The following MYO6 variants were observed in gnomAD, a reference collection of about 807,000 sequenced individuals.
MYO6 encodes the protein myosin VI, also known as unconventional myosin-VI.
A neutral mutation model predicts 178.7 loss-of-function variants in MYO6; 74 were observed. That is an observed-to-expected ratio of 0.41 (90% CI 0.34 to 0.50). MYO6 has a LOEUF of 0.50. Ranked by LOEUF, MYO6 falls within the 20% of genes least tolerant of loss-of-function variation. The pLI is 0.09. For synonymous variants in MYO6, 477 were observed against 504.6 expected (o/e 0.95, Z 0.73); for missense variants, 1,330 against 1,547.4 (o/e 0.86, Z 2.36).
intron 5 of MYO6, 145 bp downstream of exon 5, chr6:75,830,690 GT>G: frequency 1.3e-6 from 1 of 788,066 alleles, no homozygotes; most frequent in Non-Finnish European, 2.0e-6. Context: ...TATCAACATT[GT>G]TAGGAGCAAG....
intron 1 of MYO6, among the ~76,000 whole-genome samples, chr6:75,757,270 T>C (rs979127122): frequency 9.4e-5 from 14 of 148,396 alleles, no homozygotes; most frequent in African/African-American, 3.0e-4. Flanking sequence ...TATATGTATA[T>C]AGACATATAC....
intron 1 of MYO6, among the ~76,000 whole-genome samples, chr6:75,797,312 C>T (rs1471431871): frequency 2.6e-5 from 4 of 152,012 alleles, no homozygotes; most frequent in South Asian, 2.1e-4. Context: ...AGGCTGATCT[C>T]GAACTCCCGA....
At chr6:75,799,161 G>A (rs755880479) in intron 1 of MYO6, among the ~76,000 whole-genome samples, 1 of 152,164 alleles carries the variant, frequency 6.6e-6, no homozygotes, top group Non-Finnish European at 1.5e-5. Flanking sequence ...GGCCAAGGCG[G>A]GTGGATCACC....
intron 6 of MYO6, among the ~76,000 whole-genome samples, chr6:75,834,719 A>T (rs1001212180): frequency 1.3e-5 from 2 of 151,660 alleles, no homozygotes; most frequent in African/African-American, 4.8e-5. Context: ...GCATAGTGGT[A>T]CTATGAAAGT....
chr6:75,814,060 CAT>C (rs1244537868), intron 1 of MYO6, among the ~76,000 whole-genome samples: 1 of 152,154 alleles, frequency 6.6e-6, no homozygotes, highest in Non-Finnish European at 1.5e-5. Context: ...CTGAGCCTAT[CAT>C]AGCACCAGGA....
At chr6:75,903,491 T>G (rs1045123080) in intron 30 of MYO6, among the ~76,000 whole-genome samples, 24 of 152,078 alleles carry the variant, frequency 1.6e-4, no homozygotes, top group Non-Finnish European at 2.9e-4. Context: ...TGGCCTTCTT[T>G]GTCTCTTTTG....
intron 25 of MYO6, among the ~76,000 whole-genome samples, chr6:75,887,849 G>T (rs11970659): frequency 0.017 from 2,453 of 148,376 alleles, 68 homozygotes; most frequent in African/African-American, 0.058. Context: ...CGTGATGGGG[G>T]GCACCTGTAG....
chr6:75,775,285 G>A (rs1766269854), intron 1 of MYO6, among the ~76,000 whole-genome samples: 2 of 152,100 alleles, frequency 1.3e-5, no homozygotes, highest in Admixed American at 1.3e-4. Context: ...CATAATAGCC[G>A]AGCTGAGCAA....
intron 15 of MYO6, among the ~76,000 whole-genome samples, chr6:75,861,457 T>A (rs1485301554): frequency 1.3e-5 from 2 of 152,250 alleles, no homozygotes; most frequent in Non-Finnish European, 2.9e-5. Flanking sequence ...GGGTTTGCCC[T>A]GCTTTTCTGT....
chr6:75,822,909 A>T (rs1772050085), intron 3 of MYO6, 58 bp downstream of exon 3: 1 of 1,344,580 alleles, frequency 7.4e-7, no homozygotes, highest in Non-Finnish European at 1.1e-6. Context: ...TTCTTTTAAA[A>T]AAATAAATTA....
At chr6:75,787,572 GA>G (rs1190410509) in intron 1 of MYO6, among the ~76,000 whole-genome samples, 1 of 150,526 alleles carries the variant, frequency 6.6e-6, no homozygotes, top group East Asian at 1.9e-4. Flanking sequence ...TGGTGGCCAG[GA>G]GCTAAGAAAG....
chr6:75,861,769 A>G (rs1776231837), intron 15 of MYO6, among the ~76,000 whole-genome samples: 1 of 152,186 alleles, frequency 6.6e-6, no homozygotes, highest in African/African-American at 2.4e-5. Context: ...ATACTACTTT[A>G]CATCAGTATA....
intron 1 of MYO6, among the ~76,000 whole-genome samples, chr6:75,758,905 T>C (rs564557936): frequency 1.3e-5 from 2 of 151,950 alleles, no homozygotes; most frequent in South Asian, 2.1e-4. Flanking sequence ...AGTCTCACCC[T>C]GTTGCCCACG....
Position 75,765,846 on chromosome 6 carries a change from G to A in MYO6, c.-48+16423G>A, listed in dbSNP as rs571745573. Among the ~76,000 whole-genome samples, 13 of 152,146 alleles carry A rather than the reference G, an allele frequency of 8.5e-5. 1 individual carries two copies. In the South Asian group the frequency reaches 1.7e-3, roughly 19 times the overall value. On this transcript the variant is annotated intron_variant, in intron 1 of 34. Coordinates refer to ENST00000369977, the MANE Select transcript of MYO6 (RefSeq NM_004999.4). The stretch of plus-strand genomic sequence containing the variant: ...GTTTAAGACCAGTCTGGACAACATA[G>A]CAAAACCTCTCTACTAAGAATAAAA...
chr6:75,834,189 C>G (rs1214461960), intron 6 of MYO6, among the ~76,000 whole-genome samples: 1 of 149,356 alleles, frequency 6.7e-6, no homozygotes, highest in Non-Finnish European at 1.5e-5. Flanking sequence ...ATTAAACTCT[C>G]TGCATTGTGT....
intron 1 of MYO6, among the ~76,000 whole-genome samples, chr6:75,772,446 T>G (rs1765987494): frequency 6.6e-6 from 1 of 152,192 alleles, no homozygotes; most frequent in Non-Finnish European, 1.5e-5. Context: ...CTCTCCATTT[T>G]GAGTGCTTGG....
intron 2 of MYO6, among the ~76,000 whole-genome samples, chr6:75,821,841 G>A (rs1329065966): frequency 6.6e-6 from 1 of 152,126 alleles, no homozygotes; most frequent in Admixed American, 6.6e-5. Context: ...GAGATCATTT[G>A]TTCTCTCTTA....
At chr6:75,847,755 T>A (rs1462204319) in intron 10 of MYO6, among the ~76,000 whole-genome samples, 1 of 152,074 alleles carries the variant, frequency 6.6e-6, no homozygotes, top group Non-Finnish European at 1.5e-5. Context: ...CCCTATTTAC[T>A]ACAACTTAAT....
intron 7 of MYO6, 108 bp downstream of exon 7, chr6:75,836,064 T>G: frequency 1.3e-6 from 1 of 776,314 alleles, no homozygotes; most frequent in East Asian, 2.5e-5. Flanking sequence ...CTCTCTTATC[T>G]CCTACTAATC....
Sources: allele counts gnomAD v4.1 joint callset (sites outside exome capture counted in the v4.1 genomes callset), GRCh38; gene constraint gnomAD v4.1.1; transcripts MANE v1.5; gene names NCBI Gene and HGNC (gene_info 2026-07-23, HGNC 2026-07-21).